Variants in CCDC85C observed in about 807,000 individuals in gnomAD.
The protein encoded by CCDC85C is coiled-coil domain containing 85C, also known as coiled-coil domain-containing protein 85C.
CCDC85C carries 18 observed loss-of-function variants against 38.3 expected under a neutral mutation model. The observed-to-expected ratio is 0.47, with a 90% CI of 0.33 to 0.70. CCDC85C has a LOEUF of 0.70. CCDC85C is among the 30% of genes least tolerant of loss of function. The pLI, the probability that CCDC85C is intolerant of heterozygous loss-of-function variation, is 0.03. For synonymous variants in CCDC85C, 264 were observed against 293.8 expected, an observed-to-expected ratio of 0.90 and a Z score of 1.04; for missense variants, 566 against 621.2, an observed-to-expected ratio of 0.91 and a Z score of 0.94.
In CCDC85C at chr14:99,501,046, T is replaced by A. The variant is rs968461475; in HGVS notation, c.*14200A>T. ...CAGCTGCTAATGCTGTTTCCTTTTA[T>A]GTATAAACAGGCTCTGTCATCCAGT... On this transcript the variant is annotated 3_prime_UTR_variant, in exon 6 of 6. Transcript: ENST00000380243. The A allele has an allele frequency of 2.0e-5, 12 of 611,110 alleles. No individual in the cohort carries two copies. The highest frequency in any genetic ancestry group is 3.7e-5 in the African/African-American group (2 of 53,534). 37.9% of individuals were successfully genotyped at this position (611,110 alleles called of 1,614,324 possible).
rs1205380426 is a variant in CCDC85C, at chr14:99,504,439, C to G, written c.*10807G>C. ...AGTATATTTGAGGGAATGATGAGTT[C>G]AGTACAGGTGAATTTTTTTTTTTTT... On this transcript the variant is annotated 3_prime_UTR_variant, in exon 6 of 6. Coordinates refer to ENST00000380243, the MANE Select transcript of CCDC85C (RefSeq NM_001144995.2). 2 of 143,808 alleles carry G rather than the reference C, an allele frequency of 1.4e-5. No individual in the cohort carries two copies. The highest frequency in any genetic ancestry group is 5.1e-5 in the African/African-American group (2 of 38,918). 8.9% of individuals were successfully genotyped at this position (143,808 alleles called of 1,614,324 possible).
intron 3 of CCDC85C, among the ~76,000 whole-genome samples, chr14:99,521,571 A>C (rs1278786969): frequency 6.6e-6 from 1 of 152,202 alleles, no homozygotes; most frequent in Non-Finnish European, 1.5e-5. Context: ...GGAGGCGTGA[A>C]GTCCCACAAG....
At chr14:99,601,889 C>G (rs2139998288) in intron 1 of CCDC85C, among the ~76,000 whole-genome samples, 1 of 152,160 alleles carries the variant, frequency 6.6e-6, no homozygotes, top group South Asian at 2.1e-4. Flanking sequence ...ACTGCCCCTG[C>G]CCCACCTCCA....
At chr14:99,559,992 C>T (rs1476859532) in intron 1 of CCDC85C, among the ~76,000 whole-genome samples, 1 of 143,470 alleles carries the variant, frequency 7.0e-6, no homozygotes, top group African/African-American at 2.7e-5. Context: ...CTAGGGAACA[C>T]ATCCCCTTTG....
chr14:99,501,537 A>G lies in CCDC85C; in HGVS notation c.*13709T>C. The G allele has an allele frequency of 1.5e-6, 1 of 675,928 alleles. No homozygotes were observed. 41.9% of individuals were successfully genotyped at this position (675,928 alleles called of 1,614,324 possible). On this transcript the variant is annotated 3_prime_UTR_variant, in exon 6 of 6. Coordinates refer to ENST00000380243, the MANE Select transcript of CCDC85C (RefSeq NM_001144995.2). Reference sequence around the variant, plus strand: ...CTGACTTGCCCTGGCTTGAGGAGCCAGTTAATGGCAAAGCTGGGGCTGACG... The same window carrying G: ...CTGACTTGCCCTGGCTTGAGGAGCCGGTTAATGGCAAAGCTGGGGCTGACG...
At position 99,517,165 on chromosome 14, in the gene CCDC85C, G is replaced by C. The variant is rs142316560; in HGVS notation, c.994C>G (p.Pro332Ala). 92 of 1,548,550 alleles carry C rather than the reference G, an allele frequency of 5.9e-5. No homozygotes were observed. In the African/African-American group the frequency reaches 8.8e-4, roughly 15 times the overall value. Residue 332 changes from proline (P) to alanine (A), a missense_variant, in exon 4 of 6, where the codon CCT becomes GCT. Coordinates refer to ENST00000380243, the MANE Select transcript of CCDC85C (RefSeq NM_001144995.2). The part of the protein sequence containing the change: ...SLQNGPACPA[P>A]ELPSPPSAGY... ...GCAGAGGGGGGCGAGGGCAGCTCAG[G>C]TGCGGGGCAGGCCGGGCCCTGGGGA...
Position 99,603,776 on chromosome 14 carries a change from G to T in CCDC85C, c.184C>A (p.Gln62Lys). Residue 62 changes from glutamine (Q) to lysine (K), a missense_variant, in exon 1 of 6, where the codon CAG (glutamine) becomes AAG (lysine). Physicochemically the swap from Gln to Lys is moderately conservative, Grantham distance 53 (BLOSUM62 1). Around this residue, in one of 3 missense-constraint regions of CCDC85C, gnomAD observed 269 missense variants for 308.2 expected, o/e 0.87. Coordinates refer to ENST00000380243, the MANE Select transcript of CCDC85C (RefSeq NM_001144995.2). This position sits in a 1 kb window ranked among gnomAD's most constrained non-coding sequence, Gnocchi z 7.5. ...AGGCCGCGGATCTCCAGCAGGTGCT[G>T]CTGCAGCCGCCGGTTCACGTCGCGC... ...LMRDVNRRLQQHLLEIRGLKD... is the reference protein window; with the variant it reads ...LMRDVNRRLQKHLLEIRGLKD... The T allele has an allele frequency of 6.6e-7, 1 of 1,526,044 alleles. No homozygotes were observed. The highest frequency in any genetic ancestry group is 1.2e-5 in the South Asian group (1 of 82,428). The allele number at this position is 1,526,044 out of a possible 1,614,324, so 94.5% of individuals were successfully genotyped here.
chr14:99,596,755 CTTG>C (rs2055147241), intron 1 of CCDC85C, among the ~76,000 whole-genome samples: 1 of 152,196 alleles, frequency 6.6e-6, no homozygotes, highest in Non-Finnish European at 1.5e-5. Context: ...AATAGAGTCT[CTTG>C]TTGTTATGTA....
At chr14:99,583,896 G>A (rs1255174276) in intron 1 of CCDC85C, among the ~76,000 whole-genome samples, 1 of 151,858 alleles carries the variant, frequency 6.6e-6, no homozygotes, top group East Asian at 1.9e-4. Flanking sequence ...AAATGAGTGT[G>A]TGTAACAGGC....
chr14:99,549,222 T>G (rs1897860836), intron 1 of CCDC85C, among the ~76,000 whole-genome samples: 1 of 152,186 alleles, frequency 6.6e-6, no homozygotes, highest in African/African-American at 2.4e-5. Flanking sequence ...TAATAAGAAG[T>G]AAGTTAAAGG....
At chr14:99,582,434 G>A (rs759748143) in intron 1 of CCDC85C, among the ~76,000 whole-genome samples, 26 of 152,136 alleles carry the variant, frequency 1.7e-4, no homozygotes, top group Non-Finnish European at 3.4e-4. Flanking sequence ...TTTTGAAAAC[G>A]GATGTCTTGT....
Position 99,603,063 on chromosome 14 carries a change from C to G in CCDC85C, c.793+104G>C, listed in dbSNP as rs552284991. On this transcript the variant is annotated intron_variant, in intron 1 of 5. Transcript: ENST00000380243. This position sits in a 1 kb window ranked among gnomAD's most constrained non-coding sequence, Gnocchi z 7.5. ...TGACAGCTGGAGGAGTCTGGAGTGG[C>G]GGCCGCATGAGTGGGACAGCCAGGG... 3.2e-6 allele frequency: 4 copies of G among 1,241,204 alleles called. No homozygotes were observed. The highest frequency in any genetic ancestry group is 4.1e-6 in the Non-Finnish European group (4 of 987,034). 76.9% of individuals were successfully genotyped at this position (1,241,204 alleles called of 1,614,324 possible).
chr14:99,518,510 G>C lies in CCDC85C; in HGVS notation c.976-1327C>G, dbSNP rs552562504. On this transcript the variant is annotated intron_variant, in intron 3 of 5. Transcript: ENST00000380243. Reference sequence around the variant, plus strand: ...ACCCCTAACTCCAGCCCAGGCTGTTGGGTCTCTGTAGTGTAGGGAACCCAA... The same window carrying C: ...ACCCCTAACTCCAGCCCAGGCTGTTCGGTCTCTGTAGTGTAGGGAACCCAA... Among the ~76,000 whole-genome samples the C allele has an allele frequency of 7.2e-5, 11 of 152,140 alleles. No homozygotes were observed. The East Asian group carries it at 2.1e-3, about 30-fold the overall frequency.
At chr14:99,541,109 C>T (rs143867657) in intron 1 of CCDC85C, among the ~76,000 whole-genome samples, 3 of 152,240 alleles carry the variant, frequency 2.0e-5, no homozygotes, top group East Asian at 3.9e-4. Flanking sequence ...ACCTCTGTGA[C>T]CTTCCTTCCC....
At position 99,578,703 on chromosome 14, in the gene CCDC85C, C is replaced by T. The variant is rs574170444; in HGVS notation, c.793+24464G>A. On this transcript the variant is annotated intron_variant, in intron 1 of 5. Transcript: ENST00000380243. ...TAGTTGAATGCTCACAGCTGCTGGG[C>T]CGTTGGCGTGATGGTGAGTTCATCA... 2.6e-5 allele frequency among the ~76,000 whole-genome samples: 4 copies of T among 152,324 alleles called. No individual in the cohort carries two copies. The South Asian group carries it at 8.3e-4, about 32-fold the overall frequency.
Position 99,504,291 on chromosome 14 carries a change from G to C in CCDC85C, c.*10955C>G, listed in dbSNP as rs1156821864. 1 of 153,626 alleles carries C rather than the reference G, an allele frequency of 6.5e-6. No homozygotes were observed. Among genetic ancestry groups the C allele is most frequent in the East Asian group, 1.9e-4 (1 of 5,190 alleles). 9.5% of individuals were successfully genotyped at this position (153,626 alleles called of 1,614,324 possible). A position where few individuals can be genotyped will look rare whatever the true frequency, so the allele number is the denominator to read the frequency against. ...CCTATTGACTCATTTGTCTTTCTTT[G>C]TTACTTGGTTCTTAGTTCCAGTAGT... is the stretch of plus-strand genomic sequence containing the variant. On this transcript the variant is annotated 3_prime_UTR_variant, in exon 6 of 6. Coordinates refer to ENST00000380243, the MANE Select transcript of CCDC85C (RefSeq NM_001144995.2).
intron 1 of CCDC85C, among the ~76,000 whole-genome samples, chr14:99,553,801 G>A (rs576335012): frequency 2.6e-5 from 4 of 152,190 alleles, no homozygotes; most frequent in Admixed American, 2.0e-4. Flanking sequence ...GAGCCCCTGC[G>A]GCGGAGATAG....
intron 1 of CCDC85C, among the ~76,000 whole-genome samples, chr14:99,589,145 C>T (rs551182898): frequency 3.3e-5 from 5 of 152,080 alleles, no homozygotes; most frequent in African/African-American, 9.6e-5. Context: ...CACAGAGCCA[C>T]GGCCCAGATC....
intron 1 of CCDC85C, among the ~76,000 whole-genome samples, chr14:99,591,734 CTTTTTTTTT>C (rs66657278): frequency 1.5e-5 from 2 of 130,466 alleles, no homozygotes; most frequent in South Asian, 2.5e-4. Flanking sequence ...GGTTTCTTTT[CTTTTTTTTT>C]TTTTTTTTGG....
Sources: gnomAD v4.1 joint callset for allele counts (sites outside exome capture counted in the v4.1 genomes callset) on GRCh38, gnomAD v4.1.1 for gene constraint, gnomAD v4.1.1 regional missense constraint, Gnocchi (gnomAD v3.1) non-coding constraint, MANE v1.5 for transcripts, NCBI Gene and HGNC (gene_info 2026-07-23, HGNC 2026-07-21) for gene names.